Variants in ADAM12 observed in about 807,000 individuals in gnomAD.
ADAM12 encodes disintegrin and metalloproteinase domain-containing protein 12.
Under a neutral mutation model 106.4 loss-of-function variants are expected in ADAM12, and 70 were observed. The observed-to-expected ratio is 0.66, with a 90% CI of 0.54 to 0.80. The LOEUF is 0.80. ADAM12 is among the 30% of genes least tolerant of loss of function. ADAM12 has a pLI of 0.00. For synonymous variants in ADAM12, 420 were observed against 433.5 expected, an observed-to-expected ratio of 0.97 and a Z score of 0.39; for missense variants, 1,010 against 1,171.9, an observed-to-expected ratio of 0.86 and a Z score of 2.02.
chr10:126,274,994 G>A (rs1460439734), intron 3 of ADAM12, among the ~76,000 whole-genome samples: 5 of 152,170 alleles, frequency 3.3e-5, no homozygotes, highest in East Asian at 3.9e-4. Flanking sequence ...GTCTGGAATC[G>A]TTCTAGGCAA....
chr10:126,171,302 G>A (rs1269526363), intron 3 of ADAM12, among the ~76,000 whole-genome samples: 1 of 152,194 alleles, frequency 6.6e-6, no homozygotes, highest in Non-Finnish European at 1.5e-5. Context: ...TGCAATACAC[G>A]ACAAAATATT....
intron 2 of ADAM12, among the ~76,000 whole-genome samples, chr10:126,283,143 G>T (rs1959669873): frequency 6.6e-6 from 1 of 152,078 alleles, no homozygotes; most frequent in South Asian, 2.1e-4. Context: ...GTGCTCCTAT[G>T]AGAACCCAGT....
In ADAM12 at chr10:126,064,677, C is replaced by T; in HGVS notation, c.1609+129G>A. The stretch of plus-strand genomic sequence containing the variant: ...TGGGAGTCAATCACTCCCGACTGAA[C>T]ACACCGGATGCTGTGTGGACAGCGC... On this transcript the variant is annotated intron_variant, in intron 14 of 22. Coordinates refer to ENST00000448723, the MANE Select transcript of ADAM12 (RefSeq NM_001288973.2). The surrounding 1 kb of genome is among the most constrained non-coding windows in gnomAD (Gnocchi z 4.4). 3 of 1,007,302 alleles carry T rather than the reference C, an allele frequency of 3.0e-6. No individual in the cohort carries two copies. The highest frequency in any genetic ancestry group is 4.3e-6 in the Non-Finnish European group (3 of 693,658). The allele number at this position is 1,007,302 out of a possible 1,614,324, so 62.4% of individuals were successfully genotyped here.
chr10:126,220,563 A>G (rs1256520838), intron 3 of ADAM12, among the ~76,000 whole-genome samples: 1 of 152,228 alleles, frequency 6.6e-6, no homozygotes, highest in Non-Finnish European at 1.5e-5. Context: ...TGTCTTGTGT[A>G]CCATTTGGAA....
intron 3 of ADAM12, among the ~76,000 whole-genome samples, chr10:126,210,164 G>T (rs1349367667): frequency 6.6e-6 from 1 of 152,150 alleles, no homozygotes; most frequent in South Asian, 2.1e-4. Context: ...TATGGGGAAG[G>T]TCCTTCCTTT....
intron 2 of ADAM12, among the ~76,000 whole-genome samples, chr10:126,314,104 T>A (rs1961241038): frequency 6.6e-6 from 1 of 151,714 alleles, no homozygotes; most frequent in Non-Finnish European, 1.5e-5. Flanking sequence ...AAGCCAGGAA[T>A]AAGATGAGAA....
chr10:126,088,405 T>C (rs975834573), intron 11 of ADAM12, among the ~76,000 whole-genome samples: 3 of 152,032 alleles, frequency 2.0e-5, no homozygotes, highest in South Asian at 4.2e-4. Context: ...TCTGATGTCA[T>C]TAGAGAAGGC....
At chr10:126,322,861 G>T (rs546753635) in intron 2 of ADAM12, among the ~76,000 whole-genome samples, 1 of 152,270 alleles carries the variant, frequency 6.6e-6, no homozygotes, top group South Asian at 2.1e-4. Context: ...CAAGATACAA[G>T]GGTGCCAGCT....
chr10:126,262,794 A>G (rs1382457638), intron 3 of ADAM12, among the ~76,000 whole-genome samples: 4 of 152,178 alleles, frequency 2.6e-5, no homozygotes, highest in Non-Finnish European at 4.4e-5. Context: ...GAAGGCATCT[A>G]GCTTTTATCA....
intron 1 of ADAM12, among the ~76,000 whole-genome samples, chr10:126,365,631 A>G (rs1178954374): frequency 1.3e-5 from 2 of 152,148 alleles, no homozygotes; most frequent in Non-Finnish European, 2.9e-5. Context: ...GTGTGGAGCA[A>G]AGGGGGAAAA....
intron 21 of ADAM12, among the ~76,000 whole-genome samples, chr10:126,020,992 CAAAAAA>C (rs3067295): frequency 5.1e-5 from 5 of 98,346 alleles, no homozygotes; most frequent in Admixed American, 1.2e-4. Flanking sequence ...GACTCTGTCT[CAAAAAA>C]AAAAAAAAAA....
Position 126,347,760 on chromosome 10 carries a change from T to A in ADAM12, c.89-17251A>T, listed in dbSNP as rs550771168. 2.1e-3 allele frequency among the ~76,000 whole-genome samples: 326 copies of A among 152,356 alleles called. 3 individuals are homozygous for A. The highest frequency in any genetic ancestry group is 0.014 in the Middle Eastern group (4 of 294). On this transcript the variant is annotated intron_variant, in intron 1 of 22. Coordinates refer to ENST00000448723, the MANE Select transcript of ADAM12 (RefSeq NM_001288973.2). The stretch of plus-strand genomic sequence containing the variant: ...TTTGCTCACATTTATTGCCAATTTT[T>A]AATTAGCCTGTTTTTCTCTTATTTA...
In ADAM12 at chr10:126,338,327, A is replaced by G. The variant is rs1201375204; in HGVS notation, c.89-7818T>C. 6.8e-5 allele frequency among the ~76,000 whole-genome samples: 9 copies of G among 132,650 alleles called. No individual in the cohort carries two copies. The Admixed American group carries it at 7.4e-4, about 11-fold the overall frequency. The allele number at this position is 132,650 out of a possible 152,430, so 87.0% of individuals were successfully genotyped here. ...GAGTGCAGTGGCGGGATCTCGGCTC[A>G]CTGCAAGCTCCGCCTCCCGGGTTCC... On this transcript the variant is annotated intron_variant, in intron 1 of 22. Coordinates refer to ENST00000448723, the MANE Select transcript of ADAM12 (RefSeq NM_001288973.2).
chr10:126,097,353 AG>A (rs1424086503), intron 10 of ADAM12, among the ~76,000 whole-genome samples: 1 of 152,188 alleles, frequency 6.6e-6, no homozygotes, highest in African/African-American at 2.4e-5. Flanking sequence ...CCAGAAATCC[AG>A]TAAGTGGGGG....
At chr10:126,199,447 C>T (rs987753575) in intron 3 of ADAM12, among the ~76,000 whole-genome samples, 2 of 152,168 alleles carry the variant, frequency 1.3e-5, no homozygotes, top group Admixed American at 1.3e-4. Flanking sequence ...CATGACTCAG[C>T]CATATTGTCA....
intron 3 of ADAM12, among the ~76,000 whole-genome samples, chr10:126,199,616 T>C (rs758045814): frequency 3.3e-5 from 5 of 152,174 alleles, no homozygotes; most frequent in Non-Finnish European, 7.3e-5. Context: ...TCGGACCGTC[T>C]TACACATCTA....
At chr10:126,088,662 AC>A (rs1386412693) in intron 11 of ADAM12, among the ~76,000 whole-genome samples, 2 of 151,798 alleles carry the variant, frequency 1.3e-5, no homozygotes, top group African/African-American at 4.8e-5. Context: ...GTAAGCCGAG[AC>A]TGTGTCACTG....
chr10:126,014,718 A>C lies in ADAM12; in HGVS notation c.*2561T>G, dbSNP rs1953631366. ...GGTCATAGAACCTACAACTATAATA[A>C]GCTGTAGGAAGAAAAGTAGCCTCTG... On this transcript the variant is annotated 3_prime_UTR_variant, in exon 23 of 23. Coordinates refer to ENST00000448723, the MANE Select transcript of ADAM12 (RefSeq NM_001288973.2). The C allele has an allele frequency of 6.6e-6, 1 of 152,102 alleles. No homozygotes were observed. The highest frequency in any genetic ancestry group is 6.5e-5 in the Admixed American group (1 of 15,286). The allele number at this position is 152,102 out of a possible 1,614,324, so 9.4% of individuals were successfully genotyped here.
intron 3 of ADAM12, among the ~76,000 whole-genome samples, chr10:126,185,229 G>A (rs532410878): frequency 3.3e-5 from 5 of 152,322 alleles, no homozygotes; most frequent in South Asian, 4.1e-4. Flanking sequence ...AAAGAAAGAC[G>A]TTGCTATTGC....
Sources: allele counts gnomAD v4.1 joint callset (sites outside exome capture counted in the v4.1 genomes callset), GRCh38; gene constraint gnomAD v4.1.1; non-coding constraint Gnocchi (gnomAD v3.1); transcripts MANE v1.5; gene names NCBI Gene and HGNC (gene_info 2026-07-23, HGNC 2026-07-21).